MPDZ: variants seen among roughly 807,000 people sequenced by gnomAD.
The protein encoded by MPDZ is multiple PDZ domain protein.
A neutral mutation model predicts 239.1 loss-of-function variants in MPDZ; 234 were observed. That is an observed-to-expected ratio of 0.98 (90% CI 0.88 to 1.09). MPDZ has a LOEUF of 1.09. MPDZ is among the 50% of genes least tolerant of loss of function. MPDZ has a pLI of 0.00. For synonymous variants in MPDZ, 1,048 were observed against 881.3 expected (o/e 1.19, Z -3.35); for missense variants, 3,175 against 2,510.0 (o/e 1.26, Z -5.66).
At chr9:13,117,843 CT>C (rs201420389) in intron 39 of MPDZ, among the ~76,000 whole-genome samples, 473 of 131,578 alleles carry the variant, frequency 3.6e-3, no homozygotes, top group African/African-American at 7.9e-3. Flanking sequence ...TTCAGATTAG[CT>C]TTTTTTTTTT....
chr9:13,257,285 T>C (rs1416685851), intron 1 of MPDZ, among the ~76,000 whole-genome samples: 1 of 152,100 alleles, frequency 6.6e-6, no homozygotes, highest in Non-Finnish European at 1.5e-5. Context: ...TCTGACCATC[T>C]TGCTCCCCAC....
chr9:13,248,279 C>G (rs1205308658), intron 2 of MPDZ, among the ~76,000 whole-genome samples: 2 of 147,636 alleles, frequency 1.4e-5, no homozygotes, highest in Non-Finnish European at 3.0e-5. Flanking sequence ...TAATGGAGTA[C>G]AAAAATACAA....
At chr9:13,273,595 G>A (rs1431928361) in intron 1 of MPDZ, among the ~76,000 whole-genome samples, 1 of 152,108 alleles carries the variant, frequency 6.6e-6, no homozygotes, top group Admixed American at 6.5e-5. Flanking sequence ...TTGGAGAGGG[G>A]ATGATCTGCA....
intron 28 of MPDZ, 52 bp downstream of exon 28, chr9:13,139,935 G>T: frequency 6.2e-7 from 1 of 1,606,708 alleles, no homozygotes; most frequent in Non-Finnish European, 8.5e-7. Flanking sequence ...GAGAAACTCA[G>T]AGCTATTTTA....
intron 19 of MPDZ, among the ~76,000 whole-genome samples, chr9:13,177,922 T>C (rs767851794): frequency 3.3e-5 from 5 of 152,186 alleles, no homozygotes; most frequent in Non-Finnish European, 7.4e-5. Context: ...TGAAGATATA[T>C]TCACTATGAA....
intron 22 of MPDZ, 78 bp from the exon 23 acceptor site, chr9:13,162,873 G>A: frequency 1.1e-6 from 1 of 938,418 alleles, no homozygotes; most frequent in South Asian, 1.5e-5. Context: ...CTAAAATAAA[G>A]GAAACAAATC....
chr9:13,183,082 A>G (rs898126162), intron 19 of MPDZ, among the ~76,000 whole-genome samples: 2 of 152,152 alleles, frequency 1.3e-5, no homozygotes, highest in Non-Finnish European at 2.9e-5. Context: ...AAATAAAGTT[A>G]TTCTTGTAAT....
At chr9:13,123,930 T>C (rs1418263111) in intron 35 of MPDZ, among the ~76,000 whole-genome samples, 1 of 152,206 alleles carries the variant, frequency 6.6e-6, no homozygotes, top group East Asian at 1.9e-4. Flanking sequence ...TCCTGGTGCA[T>C]ATATGTTCAG....
At chr9:13,214,287 A>G (rs1008472097) in intron 10 of MPDZ, among the ~76,000 whole-genome samples, 1 of 152,098 alleles carries the variant, frequency 6.6e-6, no homozygotes, top group Non-Finnish European at 1.5e-5. Context: ...ATGAAACTTG[A>G]AAGCATTATG....
Position 13,138,134 on chromosome 9 carries a change from A to G in MPDZ, c.4023T>C (p.Tyr1341=), listed in dbSNP as rs772514809. 3 of 1,588,530 alleles carry G rather than the reference A, an allele frequency of 1.9e-6. No individual in the cohort carries two copies. The highest frequency in any genetic ancestry group is 2.6e-6 in the Non-Finnish European group (3 of 1,167,724). ...TATGCAGCTCGCCTGTTAGGGTTCC[A>G]TAACGCTCTCTGATATTTTCTACAT... The part of the protein sequence containing the change: ...GYSWKNIRER[Y]GTLTGELHMI... The change falls in exon 29 of 47, where the codon TAT becomes TAC. Residue 1341 remains tyrosine (Y), a synonymous_variant. Coordinates refer to ENST00000319217, the MANE Select transcript of MPDZ (RefSeq NM_001378778.1).
intron 8 of MPDZ, 23 bp downstream of exon 8, chr9:13,219,536 A>G (rs1383320594): frequency 1.9e-6 from 3 of 1,600,142 alleles, no homozygotes; most frequent in South Asian, 1.1e-5. Context: ...TGACTTTCAC[A>G]TTAACTACTC....
chr9:13,242,295 G>A (rs1408408377), intron 3 of MPDZ, among the ~76,000 whole-genome samples: 3 of 142,946 alleles, frequency 2.1e-5, no homozygotes, highest in African/African-American at 8.0e-5. Flanking sequence ...GCGCAATCTG[G>A]GCTCACCACA....
chr9:13,276,144 G>C (rs1974132025), intron 1 of MPDZ, among the ~76,000 whole-genome samples: 1 of 152,076 alleles, frequency 6.6e-6, no homozygotes, highest in Non-Finnish European at 1.5e-5. Context: ...TGTTTATTCT[G>C]TACTCTCCCC....
At chr9:13,233,992 A>G (rs1963261674) in intron 3 of MPDZ, among the ~76,000 whole-genome samples, 2 of 151,022 alleles carry the variant, frequency 1.3e-5, no homozygotes, top group African/African-American at 2.4e-5. Flanking sequence ...CTCAACAAAC[A>G]TATTTTAATC....
At chr9:13,158,801 A>G (rs989468016) in intron 23 of MPDZ, among the ~76,000 whole-genome samples, 1 of 152,196 alleles carries the variant, frequency 6.6e-6, no homozygotes, top group Non-Finnish European at 1.5e-5. Flanking sequence ...GATTGACTGT[A>G]AAGAAAACTG....
intron 3 of MPDZ, among the ~76,000 whole-genome samples, chr9:13,230,643 T>C (rs80188599): frequency 0.037 from 5,668 of 152,074 alleles, 166 homozygotes; most frequent in Middle Eastern, 0.075. Flanking sequence ...AATATGACTA[T>C]AAAAGAATAG....
chr9:13,156,262 G>C (rs1241768305), intron 24 of MPDZ, among the ~76,000 whole-genome samples: 1 of 152,144 alleles, frequency 6.6e-6, no homozygotes. Context: ...GAAAGTATCA[G>C]AGCCAAAATC....
intron 24 of MPDZ, among the ~76,000 whole-genome samples, chr9:13,151,903 T>C (rs566931330): frequency 3.9e-5 from 6 of 152,082 alleles, no homozygotes; most frequent in Non-Finnish European, 5.9e-5. Context: ...AAAACAAAGA[T>C]AGTTTAAAAT....
rs780430923 is a variant in MPDZ, at chr9:13,190,249, T to G, written c.2019A>C (p.Pro673=). The change falls in exon 16 of 47, where the codon CCA becomes CCC. Residue 673 remains proline, a synonymous_variant. Transcript: ENST00000319217. ...EFIGSSETED[P]VLAMTDAGQS... is the part of the protein sequence containing the mutation. ...GACCCGCATCAGTCATCGCCAGCAC[T>G]GGATCCTCTGTCTCTGATGACCCGA... 35 of 1,611,146 alleles carry G rather than the reference T, an allele frequency of 2.2e-5. No individual in the cohort carries two copies. Among genetic ancestry groups the G allele is most frequent in the Non-Finnish European group, 3.0e-5 (35 of 1,178,762 alleles).
Sources: gnomAD v4.1 joint callset for allele counts (sites outside exome capture counted in the v4.1 genomes callset) on GRCh38, gnomAD v4.1.1 for gene constraint, MANE v1.5 for transcripts, NCBI Gene and HGNC (gene_info 2026-07-23, HGNC 2026-07-21) for gene names.